Variants in GALNTL6 observed in about 807,000 individuals in gnomAD.
GALNTL6 encodes polypeptide N-acetylgalactosaminyltransferase like 6, also known as polypeptide N-acetylgalactosaminyltransferase-like 6.
Under a neutral mutation model 73.7 loss-of-function variants are expected in GALNTL6, and 46 were observed. That is an observed-to-expected ratio of 0.62 (90% CI 0.49 to 0.80). The LOEUF is 0.80. GALNTL6 is among the 30% of genes least tolerant of loss of function. The pLI, the probability that GALNTL6 is intolerant of heterozygous loss-of-function variation, is 0.00. For synonymous variants in GALNTL6, 259 were observed against 263.7 expected (o/e 0.98, Z 0.17); for missense variants, 604 against 755.0 (o/e 0.80, Z 2.34).
chr4:171,948,571 TAATA>T (rs1201998016), intron 2 of GALNTL6, among the ~76,000 whole-genome samples: 1 of 152,176 alleles, frequency 6.6e-6, no homozygotes, highest in African/African-American at 2.4e-5. Flanking sequence ...ATCTCCCTTT[TAATA>T]AATAAAATTT....
chr4:172,027,368 T>C (rs1741620239), intron 2 of GALNTL6, among the ~76,000 whole-genome samples: 1 of 152,174 alleles, frequency 6.6e-6, no homozygotes, highest in Non-Finnish European at 1.5e-5. Context: ...GTTGTCATCA[T>C]TATTATATCT....
chr4:172,168,819 A>G (rs1734719513), intron 2 of GALNTL6, among the ~76,000 whole-genome samples: 1 of 152,216 alleles, frequency 6.6e-6, no homozygotes, highest in African/African-American at 2.4e-5. Context: ...AAACCTAGTT[A>G]TGCCTACAAA....
At chr4:172,206,779 TTTGTTTTGTTTTGTTTTGTTTTTCTG>T (rs1262848895) in intron 2 of GALNTL6, among the ~76,000 whole-genome samples, 8 of 81,670 alleles carry the variant, frequency 9.8e-5, no homozygotes, top group East Asian at 1.2e-3. Flanking sequence ...AAACGTGTTT[TTTGTTTTGTTTTGTTTTGTTTTTCTG>T]TTTTTTTTGT....
intron 7 of GALNTL6, among the ~76,000 whole-genome samples, chr4:172,861,597 G>T (rs1452057222): frequency 1.3e-5 from 2 of 152,128 alleles, no homozygotes; most frequent in African/African-American, 4.8e-5. Flanking sequence ...ATATGGTTTG[G>T]CTATGTCCCC....
intron 5 of GALNTL6, among the ~76,000 whole-genome samples, chr4:172,358,437 C>T (rs79012231): frequency 0.012 from 1,763 of 152,360 alleles, 40 homozygotes; most frequent in African/African-American, 0.036. Flanking sequence ...AGGCCGCGTG[C>T]GGCCCAGGCT....
chr4:172,337,050 T>A (rs1405030494), intron 4 of GALNTL6, among the ~76,000 whole-genome samples: 1 of 152,192 alleles, frequency 6.6e-6, no homozygotes, highest in African/African-American at 2.4e-5. Flanking sequence ...TTGCTGTCAT[T>A]GGTTTAAAGT....
At chr4:172,904,253 G>T (rs1579633652) in intron 8 of GALNTL6, among the ~76,000 whole-genome samples, 1 of 152,150 alleles carries the variant, frequency 6.6e-6, no homozygotes, top group Non-Finnish European at 1.5e-5. Flanking sequence ...GTAGCCTATA[G>T]GTTTATTGTA....
intron 2 of GALNTL6, among the ~76,000 whole-genome samples, chr4:172,049,108 TC>T (rs1730742497): frequency 6.6e-6 from 1 of 152,214 alleles, no homozygotes; most frequent in Non-Finnish European, 1.5e-5. Context: ...AGTCATCTTT[TC>T]TACCTTTCTG....
intron 2 of GALNTL6, among the ~76,000 whole-genome samples, chr4:171,956,712 G>A (rs1739060185): frequency 6.6e-6 from 1 of 151,962 alleles, no homozygotes; most frequent in African/African-American, 2.4e-5. Flanking sequence ...AATATGCATT[G>A]ACTTTATTGT....
chr4:172,231,641 TCTGATATTCTA>T (rs1332540689), intron 3 of GALNTL6, among the ~76,000 whole-genome samples: 1 of 152,166 alleles, frequency 6.6e-6, no homozygotes, highest in Non-Finnish European at 1.5e-5. Context: ...AATTTCTGTT[TCTGATATTCTA>T]CTTTGTAGAA....
intron 2 of GALNTL6, among the ~76,000 whole-genome samples, chr4:172,092,870 C>A (rs1018211072): frequency 2.7e-4 from 38 of 141,420 alleles, no homozygotes; most frequent in African/African-American, 9.9e-4. Context: ...AATTTTTTTT[C>A]TTTTCTTTTT....
intron 3 of GALNTL6, among the ~76,000 whole-genome samples, chr4:172,259,582 T>C (rs1273341782): frequency 6.6e-6 from 1 of 151,756 alleles, no homozygotes; most frequent in Non-Finnish European, 1.5e-5. Flanking sequence ...TGCTGATTAT[T>C]TCTTTTGCTA....
intron 5 of GALNTL6, among the ~76,000 whole-genome samples, chr4:172,754,930 T>C (rs537901633): frequency 5.9e-5 from 9 of 152,192 alleles, no homozygotes; most frequent in African/African-American, 2.2e-4. Context: ...GAAGATCTTT[T>C]GTGGTTCCTA....
Position 171,930,500 on chromosome 4 carries a change from C to G in GALNTL6, c.138+115782C>G, listed in dbSNP as rs147869957. ...CCATATATGGCAAACCTACAGCTGA[C>G]ATCATACTGAATGGGGAAAAGCTAG... is the stretch of plus-strand genomic sequence containing the variant. On this transcript the variant is annotated intron_variant, in intron 2 of 12. Coordinates refer to ENST00000506823, the MANE Select transcript of GALNTL6 (RefSeq NM_001034845.3). Among the ~76,000 whole-genome samples the G allele has an allele frequency of 2.9e-3, 444 of 152,258 alleles. 1 individual carries two copies. The highest frequency in any genetic ancestry group is 4.6e-3 in the Non-Finnish European group (315 of 68,018).
At chr4:172,007,245 C>G (rs1192970875) in intron 2 of GALNTL6, among the ~76,000 whole-genome samples, 2 of 151,752 alleles carry the variant, frequency 1.3e-5, no homozygotes. Flanking sequence ...TTCATGTAGA[C>G]TATATTTTTC....
chr4:172,614,087 T>C (rs1180541614), intron 5 of GALNTL6, among the ~76,000 whole-genome samples: 1 of 152,070 alleles, frequency 6.6e-6, no homozygotes, highest in East Asian at 1.9e-4. Context: ...CCCACAGCTG[T>C]CTTTCTCTGT....
chr4:172,115,315 T>C (rs1371499513), intron 2 of GALNTL6, among the ~76,000 whole-genome samples: 1 of 152,128 alleles, frequency 6.6e-6, no homozygotes. Flanking sequence ...GAAGGAACCT[T>C]TTAGAATTGC....
intron 5 of GALNTL6, among the ~76,000 whole-genome samples, chr4:172,744,044 T>C (rs1373124865): frequency 1.3e-5 from 2 of 152,136 alleles, no homozygotes; most frequent in African/African-American, 4.8e-5. Context: ...GAGTTCTACT[T>C]AGCCCTTCCT....
rs551205991 is a variant in GALNTL6, at chr4:172,518,662, TTA to T, written c.553+169976_553+169977del. On this transcript the variant is annotated intron_variant, in intron 5 of 12. Coordinates refer to ENST00000506823, the MANE Select transcript of GALNTL6 (RefSeq NM_001034845.3). ...AATCAATTTTCGAATTAATAACTCA[TTA>T]TAACTTCTTAATCGATAACATTTCA... is the stretch of plus-strand genomic sequence containing the variant. 2.6e-3 allele frequency among the ~76,000 whole-genome samples: 399 copies of T among 152,086 alleles called. 3 individuals carry two copies. Among genetic ancestry groups the T allele is most frequent in the African/African-American group, 8.7e-3 (361 of 41,558 alleles).
Sources: gnomAD v4.1 joint callset for allele counts (sites outside exome capture counted in the v4.1 genomes callset) on GRCh38, gnomAD v4.1.1 for gene constraint, MANE v1.5 for transcripts, NCBI Gene and HGNC (gene_info 2026-07-23, HGNC 2026-07-21) for gene names.